SNTG1: variants seen among roughly 807,000 people sequenced by gnomAD.
SNTG1 encodes the protein syntrophin gamma 1, also known as gamma-1-syntrophin.
Under a neutral mutation model 74.7 loss-of-function variants are expected in SNTG1, and 39 were observed. The ratio of observed to expected loss-of-function variants is 0.52; its 90% CI spans 0.40 to 0.68. SNTG1 has a LOEUF of 0.68. Ranked by LOEUF, SNTG1 falls within the 30% of genes least tolerant of loss-of-function variation. The probability of loss-of-function intolerance (pLI) is 0.00; values close to 1 mark genes in which losing one functional copy is unlikely to be tolerated. For missense variants in SNTG1, 685 were observed against 609.5 expected (o/e 1.12, Z -1.30); for synonymous variants, 254 against 217.1 (o/e 1.17, Z -1.49).
chr8:50,638,086 A>G lies in SNTG1; in HGVS notation c.850-18823A>G, dbSNP rs143112830. ...CTTATGTGGAAAAAGGAAGTTGGGTAGAGATGTTACACTGGTGGCTTTCCA... is the reference window on the plus strand; with the variant it reads ...CTTATGTGGAAAAAGGAAGTTGGGTGGAGATGTTACACTGGTGGCTTTCCA... On this transcript the variant is annotated intron_variant, in intron 13 of 18. Transcript: ENST00000642720. 3.6e-3 allele frequency among the ~76,000 whole-genome samples: 548 copies of G among 152,226 alleles called. 2 individuals carry two copies. Among genetic ancestry groups the G allele is most frequent in the South Asian group, 6.0e-3 (29 of 4,820 alleles).
At chr8:50,672,107 A>G (rs1346113280) in intron 15 of SNTG1, among the ~76,000 whole-genome samples, 12 of 149,380 alleles carry the variant, frequency 8.0e-5, no homozygotes, top group African/African-American at 3.0e-4. Context: ...TGACAAGTTA[A>G]TGGGTGCAGC....
intron 15 of SNTG1, among the ~76,000 whole-genome samples, chr8:50,690,118 G>A (rs532625122): frequency 3.6e-4 from 55 of 151,972 alleles, no homozygotes; most frequent in Middle Eastern, 3.4e-3. Context: ...TTTTTATTGC[G>A]TCTATTTGAT....
At chr8:49,959,801 G>A (rs318891) in intron 1 of SNTG1, among the ~76,000 whole-genome samples, 5,761 of 152,202 alleles carry the variant, frequency 0.038, 367 homozygotes, top group African/African-American at 0.13. Flanking sequence ...ATAATTTACA[G>A]TTAGTTTTTA....
At chr8:50,213,680 T>C (rs1478382685) in intron 2 of SNTG1, among the ~76,000 whole-genome samples, 1 of 151,886 alleles carries the variant, frequency 6.6e-6, no homozygotes, top group Non-Finnish European at 1.5e-5. Context: ...TGATGGCCAG[T>C]GATGGTGAGC....
rs1473886049 is a variant in SNTG1 at position 49,999,177 on chromosome 8, T to C, written c.-103+86946T>C. Among the ~76,000 whole-genome samples the C allele has an allele frequency of 2.6e-5, 4 of 152,180 alleles. No individual in the cohort carries two copies. The East Asian group carries it at 7.7e-4, about 29-fold the overall frequency. ...TCAGAGGTCTAAAAAGAATATGAAG[T>C]TAAGATATCCAAACCTAATACTTGA... is the stretch of plus-strand genomic sequence containing the variant. On this transcript the variant is annotated intron_variant, in intron 1 of 18. Coordinates refer to ENST00000642720, the MANE Select transcript of SNTG1 (RefSeq NM_018967.5).
At chr8:50,667,710 A>G (rs2095257480) in intron 15 of SNTG1, among the ~76,000 whole-genome samples, 1 of 152,024 alleles carries the variant, frequency 6.6e-6, no homozygotes, top group Admixed American at 6.6e-5. Context: ...ATCTTAGTAA[A>G]AAGAGGTGTC....
At position 50,295,464 on chromosome 8, in the gene SNTG1, A is replaced by AT. The variant is rs202114816; in HGVS notation, c.-27-98742dup. On this transcript the variant is annotated intron_variant, in intron 2 of 18. Transcript: ENST00000642720. The stretch of plus-strand genomic sequence containing the variant: ...AGGTAAATTATTTCTTTGAAATACG[A>AT]TTTTTTATCCAAACAGAGCAGTGTT... Among the ~76,000 whole-genome samples, 974 of 152,190 alleles carry AT rather than the reference A, an allele frequency of 6.4e-3. 4 individuals are homozygous for AT. The highest frequency in any genetic ancestry group is 8.0e-3 in the Admixed American group (122 of 15,276).
Position 50,486,522 on chromosome 8 carries a change from G to C in SNTG1, c.364-16256G>C, listed in dbSNP as rs2093796147. ...TTTTGTATCCTGAGACTTTGCTGAA[G>C]TTGCTTATCAGCTTCAGGAGATTTT... On this transcript the variant is annotated intron_variant, in intron 8 of 18. Transcript: ENST00000642720. Among the ~76,000 whole-genome samples, 33 of 127,322 alleles carry C rather than the reference G, an allele frequency of 2.6e-4. 2 individuals are homozygous for C. In the South Asian group the frequency reaches 9.2e-3, roughly 35 times the overall value. 83.5% of individuals were successfully genotyped at this position (127,322 alleles called of 152,430 possible).
At chr8:50,745,572 T>C (rs917325174) in intron 17 of SNTG1, among the ~76,000 whole-genome samples, 1 of 151,976 alleles carries the variant, frequency 6.6e-6, no homozygotes, top group Non-Finnish European at 1.5e-5. Context: ...CACCAAAGAA[T>C]TGAAAGCAGG....
intron 2 of SNTG1, among the ~76,000 whole-genome samples, chr8:50,267,687 G>A (rs2087554285): frequency 6.6e-6 from 1 of 151,976 alleles, no homozygotes; most frequent in Admixed American, 6.6e-5. Flanking sequence ...CCATATTAAT[G>A]GGCTAAAGAA....
At chr8:50,444,729 G>A (rs1473894745) in intron 5 of SNTG1, among the ~76,000 whole-genome samples, 8 of 135,662 alleles carry the variant, frequency 5.9e-5, no homozygotes, top group South Asian at 2.4e-4. Flanking sequence ...CAGCCTGGGC[G>A]ACAGAGCAAG....
At chr8:49,944,109 T>C (rs1440387868) in intron 1 of SNTG1, among the ~76,000 whole-genome samples, 1 of 152,202 alleles carries the variant, frequency 6.6e-6, no homozygotes, top group Non-Finnish European at 1.5e-5. Context: ...AGTTACTATA[T>C]CCTTATGTTG....
At chr8:50,687,141 C>CAA (rs1167132296) in intron 15 of SNTG1, among the ~76,000 whole-genome samples, 10 of 64,224 alleles carry the variant, frequency 1.6e-4, no homozygotes, top group South Asian at 5.5e-4. Context: ...GACTCCGTCT[C>CAA]AAAAAAAAAA....
intron 1 of SNTG1, among the ~76,000 whole-genome samples, chr8:49,925,270 T>C (rs1806919269): frequency 6.6e-6 from 1 of 152,240 alleles, no homozygotes; most frequent in South Asian, 2.1e-4. Context: ...GAAAGAAGGT[T>C]GCAGACATAA....
At chr8:50,779,801 C>G (rs2095653228) in intron 18 of SNTG1, among the ~76,000 whole-genome samples, 1 of 151,982 alleles carries the variant, frequency 6.6e-6, no homozygotes. Context: ...GGGAATGCTT[C>G]CAGTTTTTGC....
intron 13 of SNTG1, among the ~76,000 whole-genome samples, chr8:50,600,908 T>C (rs868320746): frequency 8.6e-5 from 13 of 151,616 alleles, no homozygotes; most frequent in African/African-American, 3.1e-4. Flanking sequence ...GGTGGCTCAC[T>C]CCTGTAATCC....
intron 1 of SNTG1, among the ~76,000 whole-genome samples, chr8:50,064,662 G>T (rs1013141135): frequency 1.3e-5 from 2 of 152,072 alleles, no homozygotes. Flanking sequence ...CCTGAATATG[G>T]GTTCCTGTGG....
At chr8:50,506,977 A>C (rs2094012048) in intron 9 of SNTG1, among the ~76,000 whole-genome samples, 1 of 152,050 alleles carries the variant, frequency 6.6e-6, no homozygotes, top group African/African-American at 2.4e-5. Flanking sequence ...TATTATGTAG[A>C]GGTAATTTCC....
chr8:50,547,133 C>T (rs991621251), intron 11 of SNTG1, among the ~76,000 whole-genome samples: 3 of 152,130 alleles, frequency 2.0e-5, no homozygotes, highest in Non-Finnish European at 2.9e-5. Context: ...ACAGCACCCA[C>T]GTCTGATGCG....
Sources: allele counts gnomAD v4.1 joint callset (sites outside exome capture counted in the v4.1 genomes callset), GRCh38; gene constraint gnomAD v4.1.1; transcripts MANE v1.5; gene names NCBI Gene and HGNC (gene_info 2026-07-23, HGNC 2026-07-21).